The following CTNNA3 variants were observed in gnomAD, a reference collection of about 807,000 sequenced individuals.
CTNNA3 encodes catenin alpha 3, also known as catenin alpha-3.
A neutral mutation model predicts 95.7 loss-of-function variants in CTNNA3; 76 were observed. That is an observed-to-expected ratio of 0.79 (90% CI 0.66 to 0.96). The LOEUF is 0.96. Ranked by LOEUF, CTNNA3 falls within the 40% of genes least tolerant of loss-of-function variation. The pLI, the probability that CTNNA3 is intolerant of heterozygous loss-of-function variation, is 0.00. For missense variants in CTNNA3, 1,191 were observed against 1,089.8 expected (o/e 1.09, Z -1.31); for synonymous variants, 431 against 374.4 (o/e 1.15, Z -1.74).
In CTNNA3 at chr10:67,101,681, C is replaced by T. The variant is rs146046278; in HGVS notation, c.1047+78636G>A. 1.7e-4 allele frequency among the ~76,000 whole-genome samples: 26 copies of T among 151,866 alleles called. No individual in the cohort carries two copies. In the East Asian group the frequency reaches 4.3e-3, roughly 25 times the overall value. ...CAAATTTAACACTCAAGACTAATCA[C>T]ATAATCCTATTTTGAACTCAGATCT... On this transcript the variant is annotated intron_variant, in intron 7 of 17. Coordinates refer to ENST00000433211, the MANE Select transcript of CTNNA3 (RefSeq NM_013266.4).
chr10:66,781,159 T>C (rs1454355935), intron 7 of CTNNA3, among the ~76,000 whole-genome samples: 3 of 152,200 alleles, frequency 2.0e-5, no homozygotes, highest in African/African-American at 7.2e-5. Context: ...TGAAAATCAG[T>C]GCAGAGGAGC....
At chr10:66,013,917 A>G (rs1589249686) in intron 15 of CTNNA3, among the ~76,000 whole-genome samples, 1 of 152,186 alleles carries the variant, frequency 6.6e-6, no homozygotes, top group East Asian at 1.9e-4. Flanking sequence ...ATTGATTCAA[A>G]GCTGTTTGCC....
intron 13 of CTNNA3, among the ~76,000 whole-genome samples, chr10:66,134,815 T>C (rs1369677353): frequency 7.5e-6 from 1 of 134,042 alleles, no homozygotes; most frequent in Non-Finnish European, 1.6e-5. Flanking sequence ...AAATTAAATA[T>C]AAAAATAAGA....
intron 7 of CTNNA3, among the ~76,000 whole-genome samples, chr10:66,945,971 T>C (rs998788884): frequency 3.3e-5 from 5 of 152,160 alleles, no homozygotes; most frequent in Admixed American, 2.6e-4. Flanking sequence ...TCAAAGATCA[T>C]GGATCACAGA....
intron 7 of CTNNA3, among the ~76,000 whole-genome samples, chr10:66,809,521 T>A (rs1483210079): frequency 6.6e-6 from 1 of 152,176 alleles, no homozygotes; most frequent in Non-Finnish European, 1.5e-5. Flanking sequence ...TTGAATTGTT[T>A]AGATTTACCA....
chr10:67,635,782 C>T (rs1839291720), intron 2 of CTNNA3, among the ~76,000 whole-genome samples: 1 of 152,114 alleles, frequency 6.6e-6, no homozygotes, highest in African/African-American at 2.4e-5. Flanking sequence ...TCTTACCACT[C>T]CTATTCAACA....
At chr10:66,907,469 A>C (rs2132546948) in intron 7 of CTNNA3, among the ~76,000 whole-genome samples, 1 of 152,268 alleles carries the variant, frequency 6.6e-6, no homozygotes, top group South Asian at 2.1e-4. Flanking sequence ...TTTGAAAAAT[A>C]TGTGCTGACA....
At chr10:66,821,729 C>T (rs1048780272) in intron 7 of CTNNA3, among the ~76,000 whole-genome samples, 1 of 152,122 alleles carries the variant, frequency 6.6e-6, no homozygotes, top group African/African-American at 2.4e-5. Context: ...GGGTTAATTG[C>T]TTCTTCTTTT....
chr10:66,643,335 C>T (rs1219166831), intron 9 of CTNNA3, among the ~76,000 whole-genome samples: 1 of 152,126 alleles, frequency 6.6e-6, no homozygotes, highest in African/African-American at 2.4e-5. Context: ...TGCTGGGTAA[C>T]TGAAGACCAT....
intron 11 of CTNNA3, among the ~76,000 whole-genome samples, chr10:66,466,779 A>G (rs1838935289): frequency 6.6e-6 from 1 of 152,050 alleles, no homozygotes; most frequent in African/African-American, 2.4e-5. Context: ...CTTATCCTAG[A>G]CCTACTGAAT....
chr10:67,330,053 A>G (rs1456590264), intron 5 of CTNNA3, among the ~76,000 whole-genome samples: 1 of 152,210 alleles, frequency 6.6e-6, no homozygotes, highest in Non-Finnish European at 1.5e-5. Flanking sequence ...GAAGTTTGCA[A>G]AAGTTACCCA....
intron 9 of CTNNA3, among the ~76,000 whole-genome samples, chr10:66,725,551 T>C (rs558062956): frequency 1.3e-5 from 2 of 152,248 alleles, no homozygotes; most frequent in East Asian, 3.9e-4. Context: ...TTTAATGCCC[T>C]CTGTCAACTT....
At chr10:66,402,457 A>C (rs1186600128) in intron 11 of CTNNA3, among the ~76,000 whole-genome samples, 1 of 152,192 alleles carries the variant, frequency 6.6e-6, no homozygotes, top group Non-Finnish European at 1.5e-5. Flanking sequence ...AATATCATAC[A>C]TTGGCTTTTT....
At chr10:66,114,024 C>A (rs556361762) in intron 13 of CTNNA3, among the ~76,000 whole-genome samples, 1 of 152,210 alleles carries the variant, frequency 6.6e-6, no homozygotes, top group Non-Finnish European at 1.5e-5. Context: ...ACAGTAGCAG[C>A]AGATGGCTAG....
At chr10:67,010,521 T>C (rs1165942498) in intron 7 of CTNNA3, among the ~76,000 whole-genome samples, 1 of 152,302 alleles carries the variant, frequency 6.6e-6, no homozygotes, top group South Asian at 2.1e-4. Context: ...CCTGTAGGTA[T>C]TAGATCTGTG....
intron 5 of CTNNA3, among the ~76,000 whole-genome samples, chr10:67,468,059 G>A (rs552095018): frequency 8.0e-5 from 12 of 150,930 alleles, no homozygotes; most frequent in Middle Eastern, 3.4e-3. Context: ...AGGTACACAC[G>A]TGGGTTTGTT....
chr10:67,708,273 T>C (rs781776283), intron 1 of CTNNA3, among the ~76,000 whole-genome samples: 35 of 152,302 alleles, frequency 2.3e-4, no homozygotes, highest in Middle Eastern at 3.4e-3. Context: ...CTTTAGTTCA[T>C]TGATTACTTG....
chr10:66,118,087 A>G (rs2082413298), intron 13 of CTNNA3, among the ~76,000 whole-genome samples: 1 of 150,932 alleles, frequency 6.6e-6, no homozygotes, highest in African/African-American at 2.4e-5. Context: ...TTATGCACCT[A>G]TACTTCCTCT....
At chr10:67,072,620 C>A (rs554711031) in intron 7 of CTNNA3, among the ~76,000 whole-genome samples, 1 of 152,272 alleles carries the variant, frequency 6.6e-6, no homozygotes, top group African/African-American at 2.4e-5. Context: ...GGAATGTAGT[C>A]TTCCCCTTGT....
Sources: gnomAD v4.1 joint callset for allele counts (sites outside exome capture counted in the v4.1 genomes callset) on GRCh38, gnomAD v4.1.1 for gene constraint, MANE v1.5 for transcripts, NCBI Gene and HGNC (gene_info 2026-07-23, HGNC 2026-07-21) for gene names.